The following TNS3 variants were observed in gnomAD, a reference collection of about 807,000 sequenced individuals.
TNS3 encodes the protein tensin-3.
TNS3 carries 45 observed loss-of-function variants against 140.9 expected under a neutral mutation model. The ratio of observed to expected loss-of-function variants is 0.32; its 90% CI spans 0.25 to 0.41. The LOEUF is 0.41. TNS3 is among the 10% of genes least tolerant of loss of function. The pLI is 1.00. For synonymous variants in TNS3, 815 were observed against 788.4 expected (o/e 1.03, Z -0.56); for missense variants, 1,716 against 1,906.7 (o/e 0.90, Z 1.86).
At chr7:47,549,927 G>A (rs1010124846) in intron 1 of TNS3, among the ~76,000 whole-genome samples, 2 of 69,686 alleles carry the variant, frequency 2.9e-5, no homozygotes, top group African/African-American at 1.1e-4. Flanking sequence ...CCACGTCCCC[G>A]CCCTCCCACC....
At chr7:47,400,567 A>T (rs935602657) in intron 14 of TNS3, 109 bp from the exon 15 acceptor site, 38 of 1,283,896 alleles carry the variant, frequency 3.0e-5, no homozygotes, top group Admixed American at 3.8e-5. Context: ...CCAAATCTGC[A>T]ATAAAGACAC....
At chr7:47,528,187 C>T (rs1799267933) in intron 2 of TNS3, among the ~76,000 whole-genome samples, 1 of 152,172 alleles carries the variant, frequency 6.6e-6, no homozygotes, top group South Asian at 2.1e-4. Flanking sequence ...CCAAGAGCCC[C>T]TTAGAGGCCC....
chr7:47,361,408 G>T (rs1246414512), intron 17 of TNS3, among the ~76,000 whole-genome samples: 4 of 152,028 alleles, frequency 2.6e-5, no homozygotes, highest in Non-Finnish European at 5.9e-5. Flanking sequence ...CAGACCATCT[G>T]CCTGGTAAGG....
At chr7:47,568,247 C>T (rs1800473688) in intron 1 of TNS3, among the ~76,000 whole-genome samples, 1 of 152,290 alleles carries the variant, frequency 6.6e-6, no homozygotes, top group African/African-American at 2.4e-5. Flanking sequence ...CAGCAGCAGG[C>T]ACATAGTCCT....
chr7:47,537,377 G>T (rs1799639216), intron 1 of TNS3, among the ~76,000 whole-genome samples: 1 of 152,088 alleles, frequency 6.6e-6, no homozygotes. Context: ...CCCGCACGGC[G>T]TCCCTCCATC....
chr7:47,339,858 C>A lies in TNS3; in HGVS notation c.2650+4897G>T, dbSNP rs923680471. 1.7e-4 allele frequency among the ~76,000 whole-genome samples: 26 copies of A among 151,218 alleles called. No homozygotes were observed. The East Asian group carries it at 5.1e-3, about 29-fold the overall frequency. ...CACTTATTGAAATATTCTGTGGTTT[C>A]CTTCATCAGCATTGTGCAGTTTTCA... is the stretch of plus-strand genomic sequence containing the variant. On this transcript the variant is annotated intron_variant, in intron 20 of 30. Coordinates refer to ENST00000311160, the MANE Select transcript of TNS3 (RefSeq NM_022748.12).
At chr7:47,537,707 G>A (rs1273395881) in intron 1 of TNS3, among the ~76,000 whole-genome samples, 1 of 151,928 alleles carries the variant, frequency 6.6e-6, no homozygotes. Context: ...GTAATGAGCA[G>A]TAATCTACAC....
intron 3 of TNS3, among the ~76,000 whole-genome samples, chr7:47,484,698 G>C (rs1271158667): frequency 6.6e-6 from 1 of 152,198 alleles, no homozygotes; most frequent in Non-Finnish European, 1.5e-5. Flanking sequence ...TGATCTACAG[G>C]CTGCCCTGCC....
intron 16 of TNS3, among the ~76,000 whole-genome samples, chr7:47,389,089 AGAGGAAGAGGAAGCG>A (rs1792317662): frequency 1.3e-5 from 1 of 77,992 alleles, no homozygotes; most frequent in African/African-American, 5.7e-5. Context: ...AAGAAGAGGA[AGAGGAAGAGGAAGCG>A]GAAGCAGAAG....
intron 4 of TNS3, among the ~76,000 whole-genome samples, chr7:47,444,642 TC>T (rs1357744121): frequency 4.6e-5 from 7 of 152,016 alleles, no homozygotes; most frequent in Non-Finnish European, 1.0e-4. Context: ...GCCCATTTCC[TC>T]AGCTGCAGAG....
intron 15 of TNS3, 89 bp downstream of exon 15, chr7:47,400,304 G>A: frequency 9.7e-7 from 1 of 1,029,264 alleles, no homozygotes; most frequent in Non-Finnish European, 1.5e-6. Context: ...CACAAAGGCA[G>A]GAGACTAGTA....
At chr7:47,556,633 C>G (rs1800203108) in intron 1 of TNS3, among the ~76,000 whole-genome samples, 1 of 152,194 alleles carries the variant, frequency 6.6e-6, no homozygotes, top group Admixed American at 6.5e-5. Context: ...CCAACAAGTT[C>G]CTCCGGTCAG....
chr7:47,580,710 C>T (rs1298126166), intron 1 of TNS3, among the ~76,000 whole-genome samples: 2 of 149,812 alleles, frequency 1.3e-5, no homozygotes, highest in Non-Finnish European at 2.9e-5. Context: ...GAGAGAAGAA[C>T]CAGAATCACC....
intron 20 of TNS3, among the ~76,000 whole-genome samples, chr7:47,316,975 T>TACAA (rs1787451447): frequency 1.3e-5 from 2 of 152,032 alleles, no homozygotes; most frequent in South Asian, 4.2e-4. Context: ...GTCCTACAGA[T>TACAA]ACAAACAAAC....
At chr7:47,307,345 C>T (rs1314005208) in intron 20 of TNS3, among the ~76,000 whole-genome samples, 3 of 152,206 alleles carry the variant, frequency 2.0e-5, no homozygotes, top group Non-Finnish European at 4.4e-5. Flanking sequence ...TGCTTTTCAA[C>T]GGTGAGTACT....
chr7:47,425,450 C>A (rs1156357873), intron 9 of TNS3, among the ~76,000 whole-genome samples: 2 of 152,086 alleles, frequency 1.3e-5, no homozygotes, highest in African/African-American at 2.4e-5. Flanking sequence ...GAGAGACAGG[C>A]AGGAGGAAAA....
intron 20 of TNS3, among the ~76,000 whole-genome samples, chr7:47,333,537 G>A (rs571522332): frequency 6.6e-6 from 1 of 152,310 alleles, no homozygotes; most frequent in Non-Finnish European, 1.5e-5. Flanking sequence ...CTCTATAAAT[G>A]TCACACATAT....
At chr7:47,564,281 C>G (rs910373795) in intron 1 of TNS3, among the ~76,000 whole-genome samples, 4 of 151,096 alleles carry the variant, frequency 2.6e-5, no homozygotes, top group African/African-American at 9.7e-5. Flanking sequence ...CTAATCCAAT[C>G]AGTTGAAGCC....
intron 17 of TNS3, among the ~76,000 whole-genome samples, chr7:47,364,109 T>G (rs890920843): frequency 6.6e-6 from 1 of 152,172 alleles, no homozygotes; most frequent in East Asian, 1.9e-4. Flanking sequence ...GTAATTTTTG[T>G]TTTCTGCCGC....
Sources: gnomAD v4.1 joint callset for allele counts (sites outside exome capture counted in the v4.1 genomes callset) on GRCh38, gnomAD v4.1.1 for gene constraint, MANE v1.5 for transcripts, NCBI Gene and HGNC (gene_info 2026-07-23, HGNC 2026-07-21) for gene names.